SWT1: variants seen among roughly 807,000 people sequenced by gnomAD.
The protein encoded by SWT1 is SWT1 RNA endoribonuclease homolog.
Under a neutral mutation model 107.3 loss-of-function variants are expected in SWT1, and 33 were observed. That is an observed-to-expected ratio of 0.31 (90% CI 0.23 to 0.41). The LOEUF is 0.41. SWT1 is among the 10% of genes least tolerant of loss of function. SWT1 has a pLI of 1.00. For missense variants in SWT1, 898 were observed against 1,028.9 expected (o/e 0.87, Z 1.74); for synonymous variants, 345 against 348.3 (o/e 0.99, Z 0.11).
At chr1:185,218,999 AG>A in intron 14 of SWT1, among the ~76,000 whole-genome samples, 1 of 152,362 alleles carries the variant, frequency 6.6e-6, no homozygotes, top group Admixed American at 6.5e-5. Flanking sequence ...TAAGAGCTAA[AG>A]AAAAGAGGCA....
At chr1:185,237,485 A>C (rs953476394) in intron 16 of SWT1, among the ~76,000 whole-genome samples, 1 of 152,160 alleles carries the variant, frequency 6.6e-6, no homozygotes, top group Non-Finnish European at 1.5e-5. Flanking sequence ...CTCACTCATA[A>C]GTGGGAATTT....
intron 16 of SWT1, among the ~76,000 whole-genome samples, chr1:185,252,433 T>C (rs576181181): frequency 6.6e-6 from 1 of 152,356 alleles, no homozygotes; most frequent in Admixed American, 6.5e-5. Flanking sequence ...CCACATCCTC[T>C]CCAGCACCTG....
chr1:185,184,909 A>G lies in SWT1; in HGVS notation c.1407A>G (p.Ile469Met), dbSNP rs750290932. The change falls in exon 9 of 19, where the codon ATA becomes ATG. Residue 469 changes from isoleucine (I) to methionine (M), a missense_variant. Physicochemically the swap from Ile to Met is conservative, Grantham distance 10. Around this residue, in one of 6 missense-constraint regions of SWT1, gnomAD observed 34 missense variants for 50.2 expected, o/e 0.68. Coordinates refer to ENST00000367500, the MANE Select transcript of SWT1 (RefSeq NM_017673.7). ...ATAGAAAGCTATGGGGTCAGTCAAT[A>G]CAACTTGCATCCCAAAAACATTGTA... ...NQDRKLWGQS[I>M]QLASQKHYGL... 14 of 1,483,076 alleles carry G rather than the reference A, an allele frequency of 9.4e-6. No individual in the cohort carries two copies. In the East Asian group the frequency reaches 1.0e-4, roughly 11 times the overall value. The allele number at this position is 1,483,076 out of a possible 1,614,324, so 91.9% of individuals were successfully genotyped here.
chr1:185,252,907 T>C (rs1662154126), intron 16 of SWT1, among the ~76,000 whole-genome samples: 1 of 146,530 alleles, frequency 6.8e-6, no homozygotes, highest in South Asian at 2.2e-4. Context: ...AGGGTTTTTA[T>C]GGTTTTAGGT....
At chr1:185,264,729 A>G (rs1663254914) in intron 16 of SWT1, among the ~76,000 whole-genome samples, 1 of 152,286 alleles carries the variant, frequency 6.6e-6, no homozygotes, top group African/African-American at 2.4e-5. Context: ...GATCACAACC[A>G]TTATATTATT....
chr1:185,227,583 C>A (rs1355554195), intron 15 of SWT1: 1 of 507,386 alleles, frequency 2.0e-6, no homozygotes, highest in Non-Finnish European at 3.7e-6. Context: ...TATTTTTATC[C>A]TATTATCACC....
chr1:185,274,923 T>G (rs1664139202), intron 17 of SWT1, among the ~76,000 whole-genome samples: 1 of 152,224 alleles, frequency 6.6e-6, no homozygotes, highest in African/African-American at 2.4e-5. Flanking sequence ...TGCTTCAGTT[T>G]TTCTTTATTA....
At chr1:185,274,532 G>C (rs1261581694) in intron 17 of SWT1, among the ~76,000 whole-genome samples, 2 of 151,888 alleles carry the variant, frequency 1.3e-5, no homozygotes, top group Admixed American at 1.3e-4. Context: ...GGAGATATTT[G>C]TCTAATATTA....
chr1:185,164,954 A>G (rs1321842488), intron 2 of SWT1, among the ~76,000 whole-genome samples: 1 of 152,250 alleles, frequency 6.6e-6, no homozygotes, highest in African/African-American at 2.4e-5. Context: ...GGCTTTTGAC[A>G]TACCTTCCTC....
chr1:185,211,481 GTT>G (rs1658801852), intron 13 of SWT1, among the ~76,000 whole-genome samples: 1 of 152,174 alleles, frequency 6.6e-6, no homozygotes, highest in Admixed American at 6.6e-5. Context: ...TGTAGAAGTT[GTT>G]TATTAGGGAT....
Position 185,280,876 on chromosome 1 carries a change from C to T in SWT1, c.2573+4208C>T, listed in dbSNP as rs140775789. The stretch of plus-strand genomic sequence containing the variant: ...AGCTGGCGGTGCAGAAGGTGGTGGT[C>T]TACCCCCTGTTGCTTCTCAGTGTGG... On this transcript the variant is annotated intron_variant, in intron 18 of 18. Coordinates refer to ENST00000367500, the MANE Select transcript of SWT1 (RefSeq NM_017673.7). The T allele has an allele frequency of 3.4e-4, 154 of 458,338 alleles. No homozygotes were observed. In the East Asian group the frequency reaches 9.0e-3, roughly 27 times the overall value. 28.4% of individuals were successfully genotyped at this position (458,338 alleles called of 1,614,324 possible).
intron 16 of SWT1, among the ~76,000 whole-genome samples, chr1:185,237,861 A>C (rs909207838): frequency 1.3e-5 from 2 of 152,222 alleles, no homozygotes; most frequent in African/African-American, 4.8e-5. Flanking sequence ...CATAAGCAGT[A>C]TCTAAAAGAA....
At chr1:185,198,666 T>C (rs1571479935) in intron 10 of SWT1, among the ~76,000 whole-genome samples, 1 of 152,200 alleles carries the variant, frequency 6.6e-6, no homozygotes, top group African/African-American at 2.4e-5. Context: ...GTTGCATTGA[T>C]TCTTTACCGT....
At chr1:185,185,815 CCATT>C (rs1219035212) in intron 9 of SWT1, among the ~76,000 whole-genome samples, 1 of 152,086 alleles carries the variant, frequency 6.6e-6, no homozygotes, top group African/African-American at 2.4e-5. Context: ...AGGGTCTCTA[CCATT>C]CATTCATTGT....
At chr1:185,247,180 C>T (rs1356255204) in intron 16 of SWT1, among the ~76,000 whole-genome samples, 1 of 152,098 alleles carries the variant, frequency 6.6e-6, no homozygotes, top group East Asian at 1.9e-4. Flanking sequence ...AAATGCAGTG[C>T]CTTGAAGAAC....
Position 185,280,868 on chromosome 1 carries a change from G to A in SWT1, c.2573+4200G>A, listed in dbSNP as rs535466021. The A allele has an allele frequency of 6.6e-6, 3 of 452,350 alleles. No individual in the cohort carries two copies. In the Admixed American group the frequency reaches 7.2e-5, roughly 11 times the overall value. The allele number at this position is 452,350 out of a possible 1,614,324, so 28.0% of individuals were successfully genotyped here. A position where few individuals can be genotyped will look rare whatever the true frequency, so the allele number is the denominator to read the frequency against. On this transcript the variant is annotated intron_variant, in intron 18 of 18. Transcript: ENST00000367500. ...GATGCCAGAGCTGGCGGTGCAGAAG[G>A]TGGTGGTCTACCCCCTGTTGCTTCT...
intron 1 of SWT1, among the ~76,000 whole-genome samples, chr1:185,159,726 T>A (rs1358449171): frequency 6.6e-6 from 1 of 152,148 alleles, no homozygotes; most frequent in African/African-American, 2.4e-5. Flanking sequence ...TATTTTTTTA[T>A]ATTTTTTTAA....
At chr1:185,211,062 A>G (rs1212345100) in intron 13 of SWT1, among the ~76,000 whole-genome samples, 4 of 152,220 alleles carry the variant, frequency 2.6e-5, no homozygotes, top group African/African-American at 9.6e-5. Flanking sequence ...CAAATGGAAA[A>G]ACATTCCATG....
chr1:185,244,052 A>G (rs1299231204), intron 16 of SWT1, among the ~76,000 whole-genome samples: 1 of 152,044 alleles, frequency 6.6e-6, no homozygotes, highest in Non-Finnish European at 1.5e-5. Flanking sequence ...ATTCTAGAGA[A>G]AGGGAAATAC....
Sources: gnomAD v4.1 joint callset for allele counts (sites outside exome capture counted in the v4.1 genomes callset) on GRCh38, gnomAD v4.1.1 for gene constraint, gnomAD v4.1.1 regional missense constraint, MANE v1.5 for transcripts, NCBI Gene and HGNC (gene_info 2026-07-23, HGNC 2026-07-21) for gene names.